SEC61A2: variants seen among roughly 807,000 people sequenced by gnomAD.
The protein encoded by SEC61A2 is protein transport protein Sec61 subunit alpha isoform 2.
In SEC61A2, 28 loss-of-function variants were observed where a neutral mutation model predicts 59.9. The ratio of observed to expected loss-of-function variants is 0.47; its 90% CI spans 0.35 to 0.64. The LOEUF (loss-of-function observed/expected upper bound fraction) is 0.64, where lower values mean the gene tolerates loss of function less well. SEC61A2 is among the 30% of genes least tolerant of loss of function. The pLI, the probability that SEC61A2 is intolerant of heterozygous loss-of-function variation, is 0.01. For missense variants in SEC61A2, 340 were observed against 585.9 expected, an observed-to-expected ratio of 0.58 and a Z score of 4.33; for synonymous variants, 202 against 214.4, an observed-to-expected ratio of 0.94 and a Z score of 0.50.
chr10:12,143,209 T>C lies in SEC61A2; in HGVS notation c.220+14T>C, dbSNP rs1269707348. On this transcript the variant is annotated intron_variant, in intron 4 of 11. Coordinates refer to ENST00000298428, the MANE Select transcript of SEC61A2 (RefSeq NM_018144.4). This position sits in a 1 kb window ranked among gnomAD's most constrained non-coding sequence, Gnocchi z 4.8. The stretch of plus-strand genomic sequence containing the variant: ...CTTCCAATAGAGGTATGCGTGTCTT[T>C]TCTGTCTCCACACTCCTACTCACAG... 1 of 1,573,832 alleles carries C rather than the reference T, an allele frequency of 6.4e-7. No homozygotes were observed. Among genetic ancestry groups the C allele is most frequent in the Non-Finnish European group, 8.7e-7 (1 of 1,143,358 alleles).
At chr10:12,132,393 C>T (rs1052230136) in intron 1 of SEC61A2, among the ~76,000 whole-genome samples, 2 of 151,922 alleles carry the variant, frequency 1.3e-5, no homozygotes, top group Non-Finnish European at 2.9e-5. Flanking sequence ...ATGGGAGGAT[C>T]GCTTGACGTT....
chr10:12,159,223 C>T (rs574306994), intron 9 of SEC61A2, among the ~76,000 whole-genome samples: 53 of 152,004 alleles, frequency 3.5e-4, no homozygotes, highest in Admixed American at 2.4e-3. Flanking sequence ...GTGATCTGCC[C>T]GACTCAGCCT....
Position 12,155,687 on chromosome 10 carries a change from C to T in SEC61A2, c.463-91C>T, listed in dbSNP as rs974480596. ...AACGATCAGGCCTTAATATTCAAAA[C>T]GCCCCTAGCTTGGAAATAGCCAATG... On this transcript the variant is annotated intron_variant, in intron 6 of 11. Coordinates refer to ENST00000298428, the MANE Select transcript of SEC61A2 (RefSeq NM_018144.4). This position sits in a 1 kb window ranked among gnomAD's most constrained non-coding sequence, Gnocchi z 4.3. 73 of 1,452,306 alleles carry T rather than the reference C, an allele frequency of 5.0e-5. No individual in the cohort carries two copies. The South Asian group carries it at 5.4e-4, about 11-fold the overall frequency. 90.0% of individuals were successfully genotyped at this position (1,452,306 alleles called of 1,614,324 possible).
chr10:12,133,210 A>C, intron 1 of SEC61A2, 31 bp from the exon 2 acceptor site: 2 of 1,090,196 alleles, frequency 1.8e-6, no homozygotes, highest in Non-Finnish European at 2.8e-6. Flanking sequence ...CTTCATAATA[A>C]TAGGAACATT....
rs1317349296 is a variant in SEC61A2 at position 12,162,541 on chromosome 10, G to A, written c.1244+252G>A. 2 of 635,352 alleles carry A rather than the reference G, an allele frequency of 3.1e-6. No homozygotes were observed. The highest frequency in any genetic ancestry group is 5.9e-6 in the Non-Finnish European group (2 of 340,652). 39.4% of individuals were successfully genotyped at this position (635,352 alleles called of 1,614,324 possible). A position where few individuals can be genotyped will look rare whatever the true frequency, so the allele number is the denominator to read the frequency against. ...TCAGTGCTGTTCTCAGCATTGGCTG[G>A]CTGCACATACAATCACCAGAGAGCT... On this transcript the variant is annotated intron_variant, in intron 11 of 11. Transcript: ENST00000298428. This position sits in a 1 kb window ranked among gnomAD's most constrained non-coding sequence, Gnocchi z 6.1.
At chr10:12,168,669 T>C (rs1834772143), downstream of SEC61A2, among the ~76,000 whole-genome samples, 1 of 152,138 alleles carries the variant, frequency 6.6e-6, no homozygotes, top group African/African-American at 2.4e-5. The surrounding 1 kb of genome is among the most constrained non-coding windows in gnomAD (Gnocchi z 4.8). Flanking sequence ...CCTGGGGACA[T>C]TTGCAGGCAG....
rs779368685 is a variant in SEC61A2 at position 12,160,930 on chromosome 10, G to A, written c.976G>A (p.Asp326Asn). The change falls in exon 10 of 12, where the codon GAT becomes AAT. Residue 326 changes from aspartate (D) to asparagine (N), a missense_variant and splice_region_variant. Physicochemically the swap from Asp to Asn is conservative, Grantham distance 23. This residue lies in a region of SEC61A2 where 283 missense variants were observed against 483.2 expected (regional missense o/e 0.59). Transcript: ENST00000298428. The surrounding 1 kb of genome is among the most constrained non-coding windows in gnomAD (Gnocchi z 4.1). ...FLVNLLGQWA[D>N]VSGGGPARSY... ...TGTTCTTTGTACTCCTGTTCTGTAG[G>A]ATGTCAGTGGGGGAGGACCCGCACG... The A allele has an allele frequency of 1.9e-6, 3 of 1,611,494 alleles. No individual in the cohort carries two copies. Among genetic ancestry groups the A allele is most frequent in the Non-Finnish European group, 2.5e-6 (3 of 1,178,898 alleles).
chr10:12,168,313 C>T (rs1208840000), downstream of SEC61A2, among the ~76,000 whole-genome samples: 1 of 152,146 alleles, frequency 6.6e-6, no homozygotes, highest in Non-Finnish European at 1.5e-5. The surrounding 1 kb of genome is among the most constrained non-coding windows in gnomAD (Gnocchi z 4.8). Context: ...CGTGAGCTAC[C>T]GCACCCAGCC....
At position 12,134,452 on chromosome 10, in the gene SEC61A2, C is replaced by T. The variant is rs538498412; in HGVS notation, c.75+1144C>T. On this transcript the variant is annotated intron_variant, in intron 2 of 11. Coordinates refer to ENST00000298428, the MANE Select transcript of SEC61A2 (RefSeq NM_018144.4). ...CACCTTCGCACAGTGCAGTGTTCAC[C>T]GAATCGCGTGCACATTGGATCCCTG... 5.9e-5 allele frequency among the ~76,000 whole-genome samples: 9 copies of T among 152,284 alleles called. No individual in the cohort carries two copies. In the East Asian group the frequency reaches 9.6e-4, roughly 16 times the overall value.
In SEC61A2 at chr10:12,133,257, T is replaced by A; in HGVS notation, c.24T>A (p.Val8=). 6.5e-7 allele frequency: 1 copy of A among 1,537,534 alleles called. No homozygotes were observed. The change falls in exon 2 of 12, where the codon GTT becomes GTA. Residue 8 remains valine (V), a synonymous_variant. Transcript: ENST00000298428. MGIKFLE[V]IKPFCAVLPE... is the part of the protein sequence containing the mutation. ...TTTTTACAGTCAAATTTTTAGAAGT[T>A]ATCAAACCATTCTGTGCAGTTCTAC... is the stretch of plus-strand genomic sequence containing the variant.
Position 12,155,966 on chromosome 10 carries a change from T to C in SEC61A2, c.616+35T>C. 1.2e-6 allele frequency: 2 copies of C among 1,612,418 alleles called. No homozygotes were observed. Among genetic ancestry groups the C allele is most frequent in the Non-Finnish European group, 1.7e-6 (2 of 1,178,480 alleles). ...ACAGCGACTGCAACTGCACGCGTTT[T>C]GCTGGATGTGTGCTGGGAACAAACC... On this transcript the variant is annotated intron_variant, in intron 7 of 11. Transcript: ENST00000298428. This position sits in a 1 kb window ranked among gnomAD's most constrained non-coding sequence, Gnocchi z 4.3.
chr10:12,147,005 C>T (rs888604736), intron 4 of SEC61A2, among the ~76,000 whole-genome samples: 1 of 152,104 alleles, frequency 6.6e-6, no homozygotes, highest in Non-Finnish European at 1.5e-5. Context: ...ATACTCCTGC[C>T]TTAGCCTCCC....
chr10:12,157,945 A>T lies in SEC61A2; in HGVS notation c.815A>T (p.Tyr272Phe). The change falls in exon 9 of 12, where the codon TAC becomes TTC. Residue 272 changes from tyrosine to phenylalanine, a missense_variant. Physicochemically the swap from Tyr to Phe is conservative, Grantham distance 22. Around this residue, in one of 3 missense-constraint regions of SEC61A2, gnomAD observed 283 missense variants for 483.2 expected, o/e 0.59. Transcript: ENST00000298428. Reference sequence around the variant, plus strand: ...GATCTGCCCATTAAGTCGGCCCGTTACCGAGGACAGTACAGCAGCTACCCC... The same window carrying T: ...GATCTGCCCATTAAGTCGGCCCGTTTCCGAGGACAGTACAGCAGCTACCCC... ...RVDLPIKSAR[Y>F]RGQYSSYPIK... is the part of the protein sequence containing the mutation. 1 of 1,613,930 alleles carries T rather than the reference A, an allele frequency of 6.2e-7. No individual in the cohort carries two copies. Among genetic ancestry groups the T allele is most frequent in the Non-Finnish European group, 8.5e-7 (1 of 1,180,006 alleles).
chr10:12,166,114 C>T (rs1403718346), downstream of SEC61A2: 1 of 152,226 alleles, frequency 6.6e-6, no homozygotes, highest in African/African-American at 2.4e-5. Flanking sequence ...GGATTTGGCT[C>T]TGACTTCTAA....
chr10:12,133,401 T>A (rs926188098), intron 2 of SEC61A2, 93 bp downstream of exon 2: 3 of 620,252 alleles, frequency 4.8e-6, no homozygotes, highest in Non-Finnish European at 8.7e-6. Context: ...TCCTTCTCTG[T>A]TGGTAATTGG....
Position 12,149,784 on chromosome 10 carries a change from A to G in SEC61A2, c.352+58A>G, listed in dbSNP as rs948297560. On this transcript the variant is annotated intron_variant, in intron 5 of 11. Transcript: ENST00000298428. This position sits in a 1 kb window ranked among gnomAD's most constrained non-coding sequence, Gnocchi z 5.2. ...AAATTTGAGAGTGCTCGTGGTAAAG[A>G]TGTTTTCTCTAGTCTTTTCTTGTCT... 7 of 1,606,334 alleles carry G rather than the reference A, an allele frequency of 4.4e-6. No homozygotes were observed. The highest frequency in any genetic ancestry group is 1.1e-5 in the South Asian group (1 of 90,258).
At chr10:12,131,521 A>T (rs912826370) in intron 1 of SEC61A2, among the ~76,000 whole-genome samples, 2 of 152,008 alleles carry the variant, frequency 1.3e-5, no homozygotes, top group African/African-American at 4.8e-5. Flanking sequence ...TCTTACCTTT[A>T]TATGTTATAA....
rs939707833 is a variant in SEC61A2, at chr10:12,133,409, TG to T, written c.75+103del. 3.9e-5 allele frequency: 23 copies of T among 587,306 alleles called. No individual in the cohort carries two copies. In the African/African-American group the frequency reaches 4.3e-4, roughly 11 times the overall value. 36.4% of individuals were successfully genotyped at this position (587,306 alleles called of 1,614,324 possible). On this transcript the variant is annotated intron_variant, in intron 2 of 11. Transcript: ENST00000298428. Reference sequence around the variant, plus strand: ...ACCTCAGTCCTTCTCTGTTGGTAATTGGAAAACTATTGGTGTTCATCCTCCT... The same window carrying T: ...ACCTCAGTCCTTCTCTGTTGGTAATTGAAAACTATTGGTGTTCATCCTCCT...
At chr10:12,132,435 GA>G (rs530779462) in intron 1 of SEC61A2, among the ~76,000 whole-genome samples, 132 of 151,884 alleles carry the variant, frequency 8.7e-4, no homozygotes, top group African/African-American at 3.0e-3. Flanking sequence ...CCACCATGGT[GA>G]AATCCCATCT....
Sources: gnomAD v4.1 joint callset for allele counts (sites outside exome capture counted in the v4.1 genomes callset) on GRCh38, gnomAD v4.1.1 for gene constraint, gnomAD v4.1.1 regional missense constraint, Gnocchi (gnomAD v3.1) non-coding constraint, MANE v1.5 for transcripts, NCBI Gene and HGNC (gene_info 2026-07-23, HGNC 2026-07-21) for gene names.